Variants in ROR2 observed in about 807,000 individuals in gnomAD.
ROR2 encodes the protein ROR family WNT receptor 2, also known as tyrosine-protein kinase transmembrane receptor ROR2.
A neutral mutation model predicts 74.9 loss-of-function variants in ROR2; 33 were observed. The ratio of observed to expected loss-of-function variants is 0.44; its 90% confidence interval spans 0.33 to 0.59. ROR2 has a LOEUF of 0.59. ROR2 is among the 20% of genes least tolerant of loss of function. The pLI, the probability that ROR2 is intolerant of heterozygous loss-of-function variation, is 0.02. For synonymous variants in ROR2, 586 were observed against 558.7 expected (o/e 1.05, Z -0.69); for missense variants, 1,216 against 1,313.8 (o/e 0.93, Z 1.15).
intron 1 of ROR2, among the ~76,000 whole-genome samples, chr9:91,872,816 G>A (rs1308483072): frequency 6.6e-6 from 1 of 152,134 alleles, no homozygotes; most frequent in Non-Finnish European, 1.5e-5. Flanking sequence ...AGAGGGACCT[G>A]GATGCTGTGG....
intron 4 of ROR2, among the ~76,000 whole-genome samples, chr9:91,749,240 A>G (rs893565966): frequency 1.3e-5 from 2 of 152,250 alleles, no homozygotes; most frequent in African/African-American, 2.4e-5. Flanking sequence ...GTCAATCATC[A>G]GTTTAGGCTG....
At chr9:91,807,156 G>C (rs540067955) in intron 1 of ROR2, among the ~76,000 whole-genome samples, 1 of 152,184 alleles carries the variant, frequency 6.6e-6, no homozygotes, top group Non-Finnish European at 1.5e-5. Context: ...GTCCTTGCTG[G>C]AGTTAGATCA....
chr9:91,817,072 G>A (rs895168188), intron 1 of ROR2, among the ~76,000 whole-genome samples: 5 of 152,236 alleles, frequency 3.3e-5, no homozygotes, highest in Non-Finnish European at 5.9e-5. Flanking sequence ...GGCTCTGCCT[G>A]CCTTCCAGAA....
chr9:91,947,954 G>C (rs145413993), intron 1 of ROR2, among the ~76,000 whole-genome samples: 126 of 148,782 alleles, frequency 8.5e-4, no homozygotes, highest in African/African-American at 3.0e-3. Context: ...AGAACGAAGA[G>C]AATTATATCC....
intron 1 of ROR2, among the ~76,000 whole-genome samples, chr9:91,848,648 G>A (rs1828999225): frequency 6.6e-6 from 1 of 152,024 alleles, no homozygotes; most frequent in African/African-American, 2.4e-5. Flanking sequence ...CAGATACTCG[G>A]GAGACTGAGG....
chr9:91,907,138 A>T (rs1361548806), intron 1 of ROR2, among the ~76,000 whole-genome samples: 1 of 152,212 alleles, frequency 6.6e-6, no homozygotes, highest in Non-Finnish European at 1.5e-5. Context: ...GAAATCCGTT[A>T]AAATAAGAAA....
intron 1 of ROR2, among the ~76,000 whole-genome samples, chr9:91,839,448 ATG>A (rs899766836): frequency 4.2e-4 from 61 of 146,610 alleles, no homozygotes; most frequent in African/African-American, 1.5e-3. Flanking sequence ...TGGGGTGTCT[ATG>A]TGTGTGTGTA....
chr9:91,763,642 T>C (rs556052948), intron 2 of ROR2, among the ~76,000 whole-genome samples: 55 of 152,358 alleles, frequency 3.6e-4, no homozygotes, highest in African/African-American at 1.2e-3. Context: ...ATTCTGATGC[T>C]TTTTCCAACT....
chr9:91,889,284 C>G (rs1830365204), intron 1 of ROR2, among the ~76,000 whole-genome samples: 2 of 152,168 alleles, frequency 1.3e-5, no homozygotes, highest in African/African-American at 4.8e-5. Flanking sequence ...ACAGAGGAGC[C>G]AGGAGTCCCA....
intron 1 of ROR2, among the ~76,000 whole-genome samples, chr9:91,869,860 G>GA (rs986929810): frequency 6.6e-6 from 1 of 150,758 alleles, no homozygotes; most frequent in Non-Finnish European, 1.5e-5. Flanking sequence ...TTTTTAAGAA[G>GA]AAAAAAAAAT....
intron 1 of ROR2, among the ~76,000 whole-genome samples, chr9:91,780,812 C>A (rs976414818): frequency 6.6e-6 from 1 of 152,126 alleles, no homozygotes; most frequent in Admixed American, 6.6e-5. Context: ...AAATTTATAT[C>A]TGCAAAGTAG....
chr9:91,836,709 G>A (rs1828621609), intron 1 of ROR2, among the ~76,000 whole-genome samples: 1 of 152,002 alleles, frequency 6.6e-6, no homozygotes, highest in Non-Finnish European at 1.5e-5. Context: ...GGTGGCAGGA[G>A]GAGCTGCGGC....
At chr9:91,810,566 C>G (rs1827716738) in intron 1 of ROR2, among the ~76,000 whole-genome samples, 1 of 152,218 alleles carries the variant, frequency 6.6e-6, no homozygotes, top group African/African-American at 2.4e-5. Flanking sequence ...GGCCCAGGCC[C>G]TTGTGTTCTT....
At chr9:91,892,300 G>T (rs1830440272) in intron 1 of ROR2, among the ~76,000 whole-genome samples, 1 of 152,176 alleles carries the variant, frequency 6.6e-6, no homozygotes, top group African/African-American at 2.4e-5. Context: ...TGGGAAACTT[G>T]GGGCATCTTC....
At chr9:91,945,451 C>A (rs1286547892) in intron 1 of ROR2, among the ~76,000 whole-genome samples, 1 of 152,152 alleles carries the variant, frequency 6.6e-6, no homozygotes, top group Non-Finnish European at 1.5e-5. Flanking sequence ...TTGAAGCAGC[C>A]GCCACATTCT....
chr9:91,942,415 C>T (rs552005392), intron 1 of ROR2, among the ~76,000 whole-genome samples: 1 of 152,246 alleles, frequency 6.6e-6, no homozygotes, highest in African/African-American at 2.4e-5. Flanking sequence ...ACATTTCCTG[C>T]TCCTCATCAA....
At position 91,731,039 on chromosome 9, in the gene ROR2, T is replaced by C. The variant is rs569242465; in HGVS notation, c.1054A>G (p.Ser352Gly). Residue 352 changes from serine to glycine, a missense_variant, in exon 7 of 9, where the codon AGC (serine) becomes GGC (glycine). Physicochemically the swap from Ser to Gly is moderately conservative, Grantham distance 56 (BLOSUM62 0). Transcript: ENST00000375708. ...LQHPHSHHLS[S>G]TDFPELGGGH... ...CCTCCAAGCTCAGGGAAGTCTGTGC[T>C]GGACAGGTGGTGGCTGTGGGGGTGC... 3.5e-5 allele frequency: 56 copies of C among 1,614,146 alleles called. No individual in the cohort carries two copies. The East Asian group carries it at 7.1e-4, about 21-fold the overall frequency.
At position 91,847,333 on chromosome 9, in the gene ROR2, G is replaced by A. The variant is rs149231633; in HGVS notation, c.98-71515C>T. Among the ~76,000 whole-genome samples, 71 of 152,210 alleles carry A rather than the reference G, an allele frequency of 4.7e-4. 1 individual carries two copies. The East Asian group carries it at 0.013, about 27-fold the overall frequency. On this transcript the variant is annotated intron_variant, in intron 1 of 8. Transcript: ENST00000375708. ...CCTCCTGGACCCCTCATTAGGCCTC[G>A]CTACCATCTCCCCAAATTCCAGAGG...
chr9:91,760,191 T>C (rs906347148), intron 2 of ROR2, among the ~76,000 whole-genome samples: 1 of 152,186 alleles, frequency 6.6e-6, no homozygotes, highest in Non-Finnish European at 1.5e-5. Context: ...GTCCCCTCCA[T>C]GGAAGGTGTT....
Sources: gnomAD v4.1 joint callset for allele counts (sites outside exome capture counted in the v4.1 genomes callset) on GRCh38, gnomAD v4.1.1 for gene constraint, MANE v1.5 for transcripts, NCBI Gene and HGNC (gene_info 2026-07-23, HGNC 2026-07-21) for gene names.